LILRA5: variants seen among roughly 807,000 people sequenced by gnomAD.
The protein encoded by LILRA5 is leukocyte immunoglobulin like receptor A5.
Under a neutral mutation model 36.3 loss-of-function variants are expected in LILRA5, and 31 were observed. The ratio of observed to expected loss-of-function variants is 0.85; its 90% CI spans 0.64 to 1.15. LILRA5 has a LOEUF of 1.15. LILRA5 is among the 50% of genes most tolerant of loss of function. LILRA5 has a pLI of 0.00. For missense variants in LILRA5, 348 were observed against 377.4 expected (o/e 0.92, Z 0.64); for synonymous variants, 144 against 144.8 (o/e 0.99, Z 0.04).
rs2081051878 is a variant in LILRA5, at chr19:54,312,829, C to T, written c.3+188G>A. On this transcript the variant is annotated intron_variant, in intron 1 of 6. Transcript: ENST00000432233. ...TCAGACAGAAGTGGGGTCTCCCTTC[C>T]CCGGGCCACTGTCTGCCTGATTTAT... The T allele has an allele frequency of 3.7e-6, 3 of 818,424 alleles. No homozygotes were observed. In the Admixed American group the frequency reaches 7.1e-5, roughly 19 times the overall value. 50.7% of individuals were successfully genotyped at this position (818,424 alleles called of 1,614,324 possible). A position where few individuals can be genotyped will look rare whatever the true frequency, so the allele number is the denominator to read the frequency against.
chr19:54,311,822 G>C (rs2081023121), intron 4 of LILRA5, 42 bp downstream of exon 4: 4 of 1,613,674 alleles, frequency 2.5e-6, no homozygotes, highest in Middle Eastern at 1.7e-4. Flanking sequence ...CCCCCTTCCT[G>C]AGGGCAGAGC....
At chr19:54,312,645 G>A (rs1358322427) in intron 1 of LILRA5, 24 bp from the exon 2 acceptor site, 1 of 1,609,990 alleles carries the variant, frequency 6.2e-7, no homozygotes, top group Non-Finnish European at 8.5e-7. Flanking sequence ...GAGACACACA[G>A]GGTGTGGCAG....
At chr19:54,311,825 G>C in intron 4 of LILRA5, 39 bp downstream of exon 4, 1 of 1,613,974 alleles carries the variant, frequency 6.2e-7, no homozygotes, top group Non-Finnish European at 8.5e-7. Context: ...CCTTCCTGAG[G>C]GCAGAGCCTG....
chr19:54,310,731 G>T, intron 5 of LILRA5: 1 of 327,714 alleles, frequency 3.1e-6, no homozygotes. Context: ...CTGCCGGCCA[G>T]TGGAGGAGGT....
chr19:54,312,805 C>G (rs1473502831), intron 1 of LILRA5, 184 bp from the exon 2 acceptor site: 1 of 787,026 alleles, frequency 1.3e-6, no homozygotes, highest in African/African-American at 1.7e-5. Context: ...GCAGACATTT[C>G]AGACAGAAGT....
Position 54,312,050 on chromosome 19 carries a change from C to T in LILRA5, c.223G>A (p.Glu75Lys), listed in dbSNP as rs892298574. 4 of 1,614,056 alleles carry T rather than the reference C, an allele frequency of 2.5e-6. No individual in the cohort carries two copies. Among genetic ancestry groups the T allele is most frequent in the African/African-American group, 1.3e-5 (1 of 74,910 alleles). Residue 75 changes from glutamate (E) to lysine (K), a missense_variant, in exon 4 of 7, where the codon GAA (glutamate) becomes AAA (lysine). Coordinates refer to ENST00000432233, the MANE Select transcript of LILRA5 (RefSeq NM_021250.4). ...CTTCCCTCTTTAACCAGACGGTATT[C>T]CTGGGCCTCCAGGGTCCCCTGACAC... ...IRCQGTLEAQ[E>K]YRLVKEGSPE...
At chr19:54,311,036 A>G (rs146447479) in intron 5 of LILRA5, 3,340 of 310,854 alleles carry the variant, frequency 0.011, 106 homozygotes, top group African/African-American at 0.068. Context: ...GCTCACTGCA[A>G]CCTCCGCCTC....
intron 5 of LILRA5, chr19:54,310,896 G>T: frequency 4.1e-6 from 1 of 246,282 alleles, no homozygotes. Context: ...AGCCGGGACT[G>T]CAGGGGCTGG....
rs10573769 is a variant in LILRA5 at position 54,307,242 on chromosome 19, CAAA to C, written c.*168_*170del. ...CTGGTGACAGAGCAAGACTCCATCT[CAAA>C]AAAAAAAAAAAAAAAAAAAAAGAAA... On this transcript the variant is annotated 3_prime_UTR_variant, in exon 7 of 7. Transcript: ENST00000432233. The C allele has an allele frequency of 0.038, 4,422 of 115,106 alleles. 1 individual carries two copies. The highest frequency in any genetic ancestry group is 0.096 in the Middle Eastern group (28 of 292). The allele number at this position is 115,106 out of a possible 1,614,324, so 7.1% of individuals were successfully genotyped here. A position where few individuals can be genotyped will look rare whatever the true frequency, so the allele number is the denominator to read the frequency against.
At position 54,312,070 on chromosome 19, in the gene LILRA5, T is replaced by C. The variant is rs765634308; in HGVS notation, c.203A>G (p.Gln68Arg). 30 of 1,614,160 alleles carry C rather than the reference T, an allele frequency of 1.9e-5. No homozygotes were observed. In the South Asian group the frequency reaches 3.3e-4, roughly 18 times the overall value. ...GTATTCCTGGGCCTCCAGGGTCCCCTGACACCGGATGGTCACAGAGTTCCC... is the reference window on the plus strand; with the variant it reads ...GTATTCCTGGGCCTCCAGGGTCCCCCGACACCGGATGGTCACAGAGTTCCC... ...SRGNSVTIRC[Q>R]GTLEAQEYRL... The change falls in exon 4 of 7, where the codon CAG becomes CGG. Residue 68 changes from glutamine (Q) to arginine (R), a missense_variant. Gln to Arg is a conservative substitution (Grantham distance 43, BLOSUM62 1). Transcript: ENST00000432233.
chr19:54,311,520 G>A lies in LILRA5; in HGVS notation c.606C>T (p.Gly202=). The stretch of plus-strand genomic sequence containing the variant: ...TCCACCTGTGGCTGGGGGTCACAGG[G>A]CCCACAGGGAACAGGGCCTGGAACT... ...SGQFQALFPV[G]PVTPSHRWML... is the part of the protein sequence containing the mutation. The change falls in exon 5 of 7, where the codon GGC becomes GGT. Residue 202 remains glycine, a synonymous_variant. Transcript: ENST00000432233. 6.2e-7 allele frequency: 1 copy of A among 1,614,160 alleles called. No individual in the cohort carries two copies. Among genetic ancestry groups the A allele is most frequent in the East Asian group, 2.2e-5 (1 of 44,884 alleles).
intron 3 of LILRA5, 47 bp downstream of exon 3, chr19:54,312,288 G>T: frequency 6.2e-7 from 1 of 1,614,108 alleles, no homozygotes. Flanking sequence ...GTGGCCCTTT[G>T]TCCCCATTGA....
Position 54,311,642 on chromosome 19 carries a change from A to G in LILRA5, c.484T>C (p.Cys162Arg), listed in dbSNP as rs753916070. The G allele has an allele frequency of 1.9e-6, 3 of 1,614,148 alleles. No individual in the cohort carries two copies. Among genetic ancestry groups the G allele is most frequent in the Admixed American group, 3.3e-5 (2 of 60,016 alleles). Residue 162 changes from cysteine (C) to arginine (R), a missense_variant, in exon 5 of 7, where the codon TGT becomes CGT. By Grantham distance (180) the Cys-to-Arg change is radical. Transcript: ENST00000432233. ...CTGTCGAATCTCAGCCGTGAGCCAC[A>G]CTGGAGGGTCACGTTCTCTCCTGAG... The part of the protein sequence containing the change: ...VTSGENVTLQ[C>R]GSRLRFDRFI...
chr19:54,309,326 A>G (rs781533293), intron 5 of LILRA5: 7 of 152,162 alleles, frequency 4.6e-5, no homozygotes, highest in East Asian at 1.9e-4. Context: ...TTAGCCCGGC[A>G]TGGTGGTGGG....
At position 54,312,364 on chromosome 19, in the gene LILRA5, C is replaced by G. The variant is rs1308141749; in HGVS notation, c.95G>C (p.Ser32Thr). Reference sequence around the variant, plus strand: ...CTGCACGTGGGTCCTGGGGCCCAGACTCAGCCCTGGAAGAGAGTTCCCTGT... The same window carrying G: ...CTGCACGTGGGTCCTGGGGCCCAGAGTCAGCCCTGGAAGAGAGTTCCCTGT... ...ALMVLLCLGLSLGPRTHVQAG... is the reference protein window; with the variant it reads ...ALMVLLCLGLTLGPRTHVQAG... Residue 32 changes from serine (S) to threonine (T), a missense_variant, in exon 3 of 7, where the codon AGT becomes ACT. By Grantham distance (58) the Ser-to-Thr change is moderately conservative (BLOSUM62 1). Transcript: ENST00000432233. 1 of 1,614,240 alleles carries G rather than the reference C, an allele frequency of 6.2e-7. No individual in the cohort carries two copies. Among genetic ancestry groups the G allele is most frequent in the Admixed American group, 1.7e-5 (1 of 60,036 alleles).
chr19:54,311,520 G>T lies in LILRA5; in HGVS notation c.606C>A (p.Gly202=). The stretch of plus-strand genomic sequence containing the variant: ...TCCACCTGTGGCTGGGGGTCACAGG[G>T]CCCACAGGGAACAGGGCCTGGAACT... ...SGQFQALFPV[G]PVTPSHRWML... is the part of the protein sequence containing the mutation. Residue 202 remains glycine, a synonymous_variant, in exon 5 of 7, where the codon GGC becomes GGA. Coordinates refer to ENST00000432233, the MANE Select transcript of LILRA5 (RefSeq NM_021250.4). 13 of 1,614,160 alleles carry T rather than the reference G, an allele frequency of 8.1e-6. No homozygotes were observed. The highest frequency in any genetic ancestry group is 1.1e-5 in the Non-Finnish European group (13 of 1,180,026).
At chr19:54,309,998 C>T (rs910409375) in intron 5 of LILRA5, 16 of 306,272 alleles carry the variant, frequency 5.2e-5, no homozygotes, top group Admixed American at 1.7e-4. Context: ...ACAGCTGGGG[C>T]GCTTCTCTCT....
Position 54,307,293 on chromosome 19 carries a change from G to C in LILRA5, c.*120C>G. The C allele has an allele frequency of 5.0e-6, 2 of 399,530 alleles. No homozygotes were observed. Among genetic ancestry groups the C allele is most frequent in the Non-Finnish European group, 8.2e-6 (2 of 243,596 alleles). 24.7% of individuals were successfully genotyped at this position (399,530 alleles called of 1,614,324 possible). ...AAAGAAAAGAAAAGAAAGAAAAAAAGAAATTGCCAGCAGACAGTCCAGATG... is the reference window on the plus strand; with the variant it reads ...AAAGAAAAGAAAAGAAAGAAAAAAACAAATTGCCAGCAGACAGTCCAGATG... On this transcript the variant is annotated 3_prime_UTR_variant, in exon 7 of 7. Coordinates refer to ENST00000432233, the MANE Select transcript of LILRA5 (RefSeq NM_021250.4).
At chr19:54,308,834 A>T (rs2080953153) in intron 5 of LILRA5, 1 of 152,154 alleles carries the variant, frequency 6.6e-6, no homozygotes, top group Admixed American at 6.6e-5. Context: ...AAGCATGTAG[A>T]TATACGTATA....
Sources: gnomAD v4.1 joint callset for allele counts on GRCh38, gnomAD v4.1.1 for gene constraint, MANE v1.5 for transcripts, NCBI Gene and HGNC (gene_info 2026-07-23, HGNC 2026-07-21) for gene names.